Variants in ABCB11 observed in about 807,000 individuals in gnomAD.
The protein encoded by ABCB11 is bile salt export pump.
A neutral mutation model predicts 148.0 loss-of-function variants in ABCB11; 95 were observed. That is an observed-to-expected ratio of 0.64 (90% confidence interval 0.54 to 0.76). ABCB11 has a LOEUF of 0.76. ABCB11 is among the 30% of genes least tolerant of loss of function. The pLI, the probability that ABCB11 is intolerant of heterozygous loss-of-function variation, is 0.00. For missense variants in ABCB11, 1,523 were observed against 1,617.8 expected, an observed-to-expected ratio of 0.94 and a Z score of 1.01; for synonymous variants, 591 against 555.4, an observed-to-expected ratio of 1.06 and a Z score of -0.90.
intron 10 of ABCB11, among the ~76,000 whole-genome samples, chr2:168,983,090 G>A (rs1694189903): frequency 6.6e-6 from 1 of 152,166 alleles, no homozygotes; most frequent in African/African-American, 2.4e-5. Context: ...ACTACAGAGA[G>A]TTACCAAAGG....
At chr2:168,964,427 G>T in intron 17 of ABCB11, 119 bp from the exon 18 acceptor site, 1 of 817,598 alleles carries the variant, frequency 1.2e-6, no homozygotes, top group Non-Finnish European at 1.9e-6. Context: ...TAGGTCACAT[G>T]GTAACCAGGA....
intron 25 of ABCB11, 76 bp downstream of exon 25, chr2:168,930,589 A>G (rs1433436490): frequency 1.6e-6 from 2 of 1,268,850 alleles, no homozygotes; most frequent in African/African-American, 3.0e-5. Context: ...TGGCAAAGCA[A>G]AAACTTGAAG....
At chr2:168,968,378 C>T in intron 17 of ABCB11, 49 bp downstream of exon 17, 1 of 1,556,282 alleles carries the variant, frequency 6.4e-7, no homozygotes, top group Non-Finnish European at 8.8e-7. Flanking sequence ...ACAGAGGACT[C>T]CTCAGAATAT....
At chr2:168,999,872 A>G (rs79152245) in intron 5 of ABCB11, among the ~76,000 whole-genome samples, 1 of 152,242 alleles carries the variant, frequency 6.6e-6, no homozygotes, top group Non-Finnish European at 1.5e-5. Flanking sequence ...ATGGTAGTTG[A>G]GTGTTTAGAA....
At chr2:169,005,933 A>G (rs905512918) in intron 5 of ABCB11, among the ~76,000 whole-genome samples, 1 of 152,212 alleles carries the variant, frequency 6.6e-6, no homozygotes, top group Non-Finnish European at 1.5e-5. Context: ...AACAACAAAG[A>G]GTCTAAGATG....
intron 19 of ABCB11, among the ~76,000 whole-genome samples, chr2:168,948,179 G>T (rs140529656): frequency 6.6e-6 from 1 of 151,816 alleles, no homozygotes; most frequent in East Asian, 2.0e-4. Context: ...GTGGAGATGG[G>T]TGAGGATATT....
At chr2:168,952,673 C>CTTTTTTTTTTTTTTTTTTTTTTT (rs1559197882) in intron 19 of ABCB11, among the ~76,000 whole-genome samples, 1 of 111,198 alleles carries the variant, frequency 9.0e-6, no homozygotes, top group Non-Finnish European at 1.9e-5. Context: ...TTCATTGCTC[C>CTTTTTTTTTTTTTTTTTTTTTTT]TTTGTTTTTT....
At chr2:168,942,658 A>G (rs535678059) in intron 21 of ABCB11, among the ~76,000 whole-genome samples, 2 of 152,018 alleles carry the variant, frequency 1.3e-5, no homozygotes, top group Admixed American at 6.6e-5. Context: ...GGGAATGGAT[A>G]CCTCATTCTT....
At chr2:168,944,471 G>A (rs1378911522) in intron 21 of ABCB11, 134 bp downstream of exon 21, 1 of 963,350 alleles carries the variant, frequency 1.0e-6, no homozygotes, top group African/African-American at 1.6e-5. Context: ...AGAAGCAGTG[G>A]AAAATGTGGC....
At chr2:168,995,320 A>G (rs1253047487) in intron 7 of ABCB11, 29 bp downstream of exon 7, 5 of 1,588,812 alleles carry the variant, frequency 3.1e-6, no homozygotes, top group Non-Finnish European at 4.3e-6. Flanking sequence ...AAAATCACAC[A>G]CTAAAATACT....
intron 19 of ABCB11, among the ~76,000 whole-genome samples, chr2:168,955,644 C>T (rs1207953496): frequency 1.3e-5 from 2 of 151,404 alleles, no homozygotes; most frequent in Non-Finnish European, 3.0e-5. Context: ...CGCCCCTGAC[C>T]CCTCCAAAAA....
chr2:168,920,738 A>G (rs905298543), downstream of ABCB11, among the ~76,000 whole-genome samples: 8 of 152,214 alleles, frequency 5.3e-5, no homozygotes, highest in Non-Finnish European at 1.2e-4. Flanking sequence ...TGTCAGCGAT[A>G]AAGGATACAG....
intron 17 of ABCB11, 145 bp from the exon 18 acceptor site, chr2:168,964,453 T>C: frequency 1.4e-6 from 1 of 690,362 alleles, no homozygotes; most frequent in Admixed American, 2.5e-5. Flanking sequence ...AGCTTGCAGG[T>C]TAGGTTTGAC....
Position 168,935,439 on chromosome 2 carries a change from A to T in ABCB11, c.2815-14T>A, listed in dbSNP as rs1387493332. ...TTCATTTGTAATCTGAAGATTGAAA[A>T]AGAGTCTTAGGAATACAAGGGCAGA... On this transcript the variant is annotated splice_polypyrimidine_tract_variant and intron_variant, in intron 22 of 27. Transcript: ENST00000650372. 4 of 1,606,472 alleles carry T rather than the reference A, an allele frequency of 2.5e-6. No individual in the cohort carries two copies. The highest frequency in any genetic ancestry group is 3.4e-6 in the Non-Finnish European group (4 of 1,175,468).
At chr2:169,025,649 AT>A (rs952836539) in intron 1 of ABCB11, among the ~76,000 whole-genome samples, 64 of 152,216 alleles carry the variant, frequency 4.2e-4, no homozygotes, top group African/African-American at 1.5e-3. Flanking sequence ...AATTGCTTAC[AT>A]TTTGCTTCTT....
At chr2:168,973,654 A>G (rs2105967646) in intron 13 of ABCB11, 61 bp downstream of exon 13, 1 of 1,585,696 alleles carries the variant, frequency 6.3e-7, no homozygotes, top group Non-Finnish European at 8.6e-7. Flanking sequence ...TGTTTGATCA[A>G]TATACTGCCA....
In ABCB11 at chr2:168,958,114, A is replaced by C. The variant is rs371893470; in HGVS notation, c.2193T>G (p.Pro731=). Reference sequence around the variant, plus strand: ...GGGCAGGTTCAACTTCTTCCTGCACAGGAATGTCCTTGTCCTTGAGCAGAG... The same window carrying C: ...GGGCAGGTTCAACTTCTTCCTGCACCGGAATGTCCTTGTCCTTGAGCAGAG... ...YEEDRKDKDI[P]VQEEVEPAPV... Residue 731 remains proline (P), a synonymous_variant, in exon 19 of 28, where the codon CCT becomes CCG. Transcript: ENST00000650372. 172 of 1,610,988 alleles carry C rather than the reference A, an allele frequency of 1.1e-4. No homozygotes were observed. The highest frequency in any genetic ancestry group is 2.2e-4 in the Admixed American group (13 of 59,782).
At chr2:168,960,868 G>T (rs1316493024) in intron 18 of ABCB11, among the ~76,000 whole-genome samples, 1 of 151,700 alleles carries the variant, frequency 6.6e-6, no homozygotes, top group African/African-American at 2.4e-5. Flanking sequence ...ATAAAGAGAA[G>T]ATTATAAATT....
intron 17 of ABCB11, among the ~76,000 whole-genome samples, chr2:168,965,120 A>G (rs540116251): frequency 6.6e-6 from 1 of 152,022 alleles, no homozygotes; most frequent in Non-Finnish European, 1.5e-5. Flanking sequence ...TACCAAGGCA[A>G]GATTCATGGA....
Sources: gnomAD v4.1 joint callset for allele counts (sites outside exome capture counted in the v4.1 genomes callset) on GRCh38, gnomAD v4.1.1 for gene constraint, MANE v1.5 for transcripts, NCBI Gene and HGNC (gene_info 2026-07-23, HGNC 2026-07-21) for gene names.